The following RBFOX1 variants were observed in gnomAD, a reference collection of about 807,000 sequenced individuals.
The protein encoded by RBFOX1 is RNA binding fox-1 homolog 1, also known as RNA binding protein fox-1 homolog 1.
A neutral mutation model predicts 57.7 loss-of-function variants in RBFOX1; 8 were observed. The observed-to-expected ratio is 0.14, with a 90% CI of 0.08 to 0.25. The LOEUF (loss-of-function observed/expected upper bound fraction) is 0.25. Ranked by LOEUF, RBFOX1 falls within the 10% of genes least tolerant of loss-of-function variation. The probability of loss-of-function intolerance (pLI) is 1.00; values close to 1 mark genes in which losing one functional copy is unlikely to be tolerated. For missense variants in RBFOX1, 611 were observed against 548.5 expected (o/e 1.11, Z -1.14); for synonymous variants, 326 against 222.4 (o/e 1.47, Z -4.15).
chr16:7,254,801 C>G (rs182075624), intron 4 of RBFOX1, among the ~76,000 whole-genome samples: 4 of 152,068 alleles, frequency 2.6e-5, no homozygotes, highest in African/African-American at 9.7e-5. Flanking sequence ...TGTTGTATTT[C>G]ATACAATGAT....
At chr16:5,496,517 G>A (rs546893850) in intron 2 of RBFOX1, among the ~76,000 whole-genome samples, 1 of 152,062 alleles carries the variant, frequency 6.6e-6, no homozygotes, top group East Asian at 1.9e-4. Context: ...TCTCTCGGTC[G>A]TACTCCGTGG....
chr16:6,057,825 GTTT>G (rs34335596), intron 1 of RBFOX1, among the ~76,000 whole-genome samples: 3 of 81,120 alleles, frequency 3.7e-5, no homozygotes, highest in African/African-American at 1.1e-4. Context: ...TTTGCTATGG[GTTT>G]TTTTTTTTTT....
At chr16:6,945,936 G>C (rs1568014992) in intron 3 of RBFOX1, among the ~76,000 whole-genome samples, 1 of 152,184 alleles carries the variant, frequency 6.6e-6, no homozygotes, top group Non-Finnish European at 1.5e-5. Flanking sequence ...GCCCCCAGGG[G>C]CGTTTACCAT....
At chr16:6,287,395 A>G (rs1375618775) in intron 1 of RBFOX1, among the ~76,000 whole-genome samples, 3 of 152,114 alleles carry the variant, frequency 2.0e-5, no homozygotes, top group African/African-American at 7.2e-5. Context: ...CTGTATTATC[A>G]TTGGTGTTTG....
chr16:6,836,498 C>G (rs535579586), intron 3 of RBFOX1, among the ~76,000 whole-genome samples: 1 of 152,190 alleles, frequency 6.6e-6, no homozygotes, highest in Non-Finnish European at 1.5e-5. Context: ...TCACTTCAAA[C>G]CTTCCTTCTA....
At chr16:5,481,030 G>A (rs1261001509) in intron 2 of RBFOX1, among the ~76,000 whole-genome samples, 3 of 152,358 alleles carry the variant, frequency 2.0e-5, no homozygotes, top group East Asian at 3.9e-4. Flanking sequence ...AACATTGAAT[G>A]TGAATGCCTG....
At chr16:7,492,377 G>T (rs566714920) in intron 4 of RBFOX1, among the ~76,000 whole-genome samples, 1 of 152,218 alleles carries the variant, frequency 6.6e-6, no homozygotes, top group Non-Finnish European at 1.5e-5. Flanking sequence ...GTATTTAAAT[G>T]ACTATGTGAC....
chr16:7,256,266 T>A (rs1242714040), intron 4 of RBFOX1, among the ~76,000 whole-genome samples: 1 of 152,180 alleles, frequency 6.6e-6, no homozygotes, highest in African/African-American at 2.4e-5. Context: ...AAGCCAGGCC[T>A]CTGGGGTTCT....
At chr16:5,717,383 G>A (rs969749731) in intron 3 of RBFOX1, among the ~76,000 whole-genome samples, 2 of 151,820 alleles carry the variant, frequency 1.3e-5, no homozygotes, top group African/African-American at 2.4e-5. Flanking sequence ...AGTTTTGGCG[G>A]TACAGGTGGT....
At chr16:5,329,208 C>T (rs1365478886) in intron 1 of RBFOX1, among the ~76,000 whole-genome samples, 1 of 152,104 alleles carries the variant, frequency 6.6e-6, no homozygotes, top group Non-Finnish European at 1.5e-5. Flanking sequence ...TAAAGAAATA[C>T]CTGACACTGG....
intron 3 of RBFOX1, among the ~76,000 whole-genome samples, chr16:6,732,314 C>T (rs1156593360): frequency 1.3e-5 from 2 of 152,200 alleles, no homozygotes; most frequent in Admixed American, 6.5e-5. Flanking sequence ...GTCTCGGCCC[C>T]AGGCTCCTGT....
rs202197226 is a variant in RBFOX1, at chr16:6,701,034, GA to G, written c.-16+46385del. On this transcript the variant is annotated intron_variant, in intron 3 of 15. Transcript: ENST00000550418. ...AAGGAGTAGAGAGCAGAGTTGGGCAGAGGGGGGGGTGAGTCAGACTATGATG... is the reference window on the plus strand; with the variant it reads ...AAGGAGTAGAGAGCAGAGTTGGGCAGGGGGGGGGTGAGTCAGACTATGATG... 6.7e-3 allele frequency among the ~76,000 whole-genome samples: 960 copies of G among 142,810 alleles called. 14 individuals are homozygous for G. The highest frequency in any genetic ancestry group is 0.025 in the African/African-American group (892 of 35,802). The allele number at this position is 142,810 out of a possible 152,430, so 93.7% of individuals were successfully genotyped here. A position where few individuals can be genotyped will look rare whatever the true frequency, so the allele number is the denominator to read the frequency against.
At chr16:7,169,889 G>A (rs1447818567) in intron 4 of RBFOX1, among the ~76,000 whole-genome samples, 1 of 151,970 alleles carries the variant, frequency 6.6e-6, no homozygotes, top group Non-Finnish European at 1.5e-5. Flanking sequence ...CTGGCAACGT[G>A]GCAAGACCCT....
chr16:7,057,113 T>C (rs1298693899), intron 4 of RBFOX1, among the ~76,000 whole-genome samples: 1 of 151,750 alleles, frequency 6.6e-6, no homozygotes, highest in African/African-American at 2.4e-5. Context: ...ATTTCACTTC[T>C]CTTCCTCCTA....
rs144406037 is a variant in RBFOX1 at position 7,164,038 on chromosome 16, G to C, written c.27+111940G>C. 9.9e-5 allele frequency among the ~76,000 whole-genome samples: 15 copies of C among 152,220 alleles called. No individual in the cohort carries two copies. The East Asian group carries it at 2.9e-3, about 29-fold the overall frequency. ...TTACACGAATAAGTTCTTTAGTGGT[G>C]ATTTCTGAGATTTTGGTGCACTCTT... On this transcript the variant is annotated intron_variant, in intron 4 of 15. Coordinates refer to ENST00000550418, the MANE Select transcript of RBFOX1 (RefSeq NM_018723.4).
chr16:6,951,420 A>C (rs186204552), intron 3 of RBFOX1, among the ~76,000 whole-genome samples: 3 of 152,276 alleles, frequency 2.0e-5, no homozygotes, highest in African/African-American at 7.2e-5. Flanking sequence ...TATTTTACTT[A>C]AGAATCTCAT....
chr16:6,156,566 G>C (rs1220262540), intron 1 of RBFOX1, among the ~76,000 whole-genome samples: 1 of 152,166 alleles, frequency 6.6e-6, no homozygotes, highest in Non-Finnish European at 1.5e-5. Context: ...GTGGGGAGCT[G>C]TTGAGTCCAA....
At position 7,653,789 on chromosome 16, in the gene RBFOX1, T is replaced by TCG. The variant is rs1028781230; in HGVS notation, c.758-25_758-24insGC. 5.0e-6 allele frequency: 8 copies of TCG among 1,605,542 alleles called. No individual in the cohort carries two copies. In the African/African-American group the frequency reaches 5.4e-5, roughly 11 times the overall value. On this transcript the variant is annotated intron_variant, in intron 11 of 15. Transcript: ENST00000550418. ...TGTGCATCTGACAGCCTGTGCTCTC[T>TCG]CTCTCTCTCTCCTCTTGCCCCGCAG... is the stretch of plus-strand genomic sequence containing the variant.
At chr16:6,194,045 G>A (rs2152816272) in intron 1 of RBFOX1, among the ~76,000 whole-genome samples, 1 of 152,218 alleles carries the variant, frequency 6.6e-6, no homozygotes, top group African/African-American at 2.4e-5. Flanking sequence ...TATACTAACT[G>A]CCTCTTGGAT....
Sources: gnomAD v4.1 joint callset for allele counts (sites outside exome capture counted in the v4.1 genomes callset) on GRCh38, gnomAD v4.1.1 for gene constraint, MANE v1.5 for transcripts, NCBI Gene and HGNC (gene_info 2026-07-23, HGNC 2026-07-21) for gene names.